Variants in LHFPL6 observed in about 807,000 individuals in gnomAD.
LHFPL6 encodes LHFPL tetraspan subfamily member 6.
LHFPL6 carries 9 observed loss-of-function variants against 20.6 expected under a neutral mutation model. The ratio of observed to expected loss-of-function variants is 0.44; its 90% confidence interval spans 0.26 to 0.76. The LOEUF (loss-of-function observed/expected upper bound fraction) is 0.76, where lower values mean the gene tolerates loss of function less well. Ranked by LOEUF, LHFPL6 falls within the 30% of genes least tolerant of loss-of-function variation. LHFPL6 has a pLI of 0.20. For missense variants in LHFPL6, 218 were observed against 253.5 expected (o/e 0.86, Z 0.95); for synonymous variants, 105 against 98.7 (o/e 1.06, Z -0.38).
At chr13:39,580,796 A>G (rs967754174) in intron 2 of LHFPL6, among the ~76,000 whole-genome samples, 3 of 152,236 alleles carry the variant, frequency 2.0e-5, no homozygotes. Flanking sequence ...TCCTGTAAAC[A>G]AAGGACCTGA....
At chr13:39,444,665 T>C (rs1032777297) in intron 2 of LHFPL6, among the ~76,000 whole-genome samples, 1 of 152,184 alleles carries the variant, frequency 6.6e-6, no homozygotes, top group African/African-American at 2.4e-5. Flanking sequence ...GCTATAAATC[T>C]TGATAACATC....
At chr13:39,575,617 A>C (rs1872090101) in intron 2 of LHFPL6, among the ~76,000 whole-genome samples, 1 of 152,190 alleles carries the variant, frequency 6.6e-6, no homozygotes, top group African/African-American at 2.4e-5. Flanking sequence ...AACGCTGTGA[A>C]TCAGGCAGTC....
chr13:39,531,614 C>A (rs1422612252), intron 2 of LHFPL6, among the ~76,000 whole-genome samples: 1 of 152,088 alleles, frequency 6.6e-6, no homozygotes, highest in East Asian at 1.9e-4. Context: ...TGTAAAAGCT[C>A]CTCAGACTTC....
chr13:39,457,816 T>C (rs1872605800), intron 2 of LHFPL6, among the ~76,000 whole-genome samples: 1 of 152,188 alleles, frequency 6.6e-6, no homozygotes. Flanking sequence ...TATACTTTAA[T>C]AATAAATAAA....
intron 2 of LHFPL6, among the ~76,000 whole-genome samples, chr13:39,483,731 G>A (rs1868618579): frequency 6.6e-6 from 1 of 152,136 alleles, no homozygotes. Flanking sequence ...GGCCATGAAT[G>A]TAAATAGCTT....
intron 2 of LHFPL6, among the ~76,000 whole-genome samples, chr13:39,577,520 T>A (rs1299133322): frequency 6.6e-6 from 1 of 152,240 alleles, no homozygotes; most frequent in Non-Finnish European, 1.5e-5. Flanking sequence ...CCCAGTGAGC[T>A]ATTATCCCAT....
At chr13:39,438,191 C>T (rs1262092039) in intron 2 of LHFPL6, among the ~76,000 whole-genome samples, 1 of 152,186 alleles carries the variant, frequency 6.6e-6, no homozygotes, top group African/African-American at 2.4e-5. Flanking sequence ...GTCACTTTTG[C>T]TACGCTTTAG....
chr13:39,345,126 C>T (rs1388318173), intron 3 of LHFPL6, among the ~76,000 whole-genome samples: 1 of 152,192 alleles, frequency 6.6e-6, no homozygotes, highest in Admixed American at 6.5e-5. Context: ...AACCATGTTC[C>T]TCCTTTTGGT....
chr13:39,577,810 T>A (rs1194666654), intron 2 of LHFPL6, among the ~76,000 whole-genome samples: 2 of 137,466 alleles, frequency 1.5e-5, no homozygotes, highest in South Asian at 2.2e-4. Flanking sequence ...ATTTCTGTAC[T>A]TTTTTTTTTT....
chr13:39,404,797 T>A (rs2138381880), intron 2 of LHFPL6, among the ~76,000 whole-genome samples: 1 of 152,310 alleles, frequency 6.6e-6, no homozygotes, highest in Middle Eastern at 3.4e-3. Context: ...GTGTACCCTA[T>A]GAGAGCCAAG....
intron 2 of LHFPL6, among the ~76,000 whole-genome samples, chr13:39,488,282 A>C (rs896596708): frequency 1.3e-5 from 2 of 152,210 alleles, no homozygotes; most frequent in African/African-American, 2.4e-5. Context: ...TGTTGTTTAT[A>C]AGCCACCCAG....
In LHFPL6 at chr13:39,446,461, C is replaced by G. The variant is rs9566437; in HGVS notation, c.386-67935G>C. On this transcript the variant is annotated intron_variant, in intron 2 of 3. Transcript: ENST00000379589. Reference sequence around the variant, plus strand: ...AACTATGGTGGGTGCAGAAGTTAAACAGATACCATCTGCAGAGCACAGAGT... The same window carrying G: ...AACTATGGTGGGTGCAGAAGTTAAAGAGATACCATCTGCAGAGCACAGAGT... Among the ~76,000 whole-genome samples, 2,132 of 152,256 alleles carry G rather than the reference C, an allele frequency of 0.014. 88 individuals are homozygous for G. In the East Asian group the frequency reaches 0.15, roughly 10 times the overall value.
At chr13:39,401,491 C>T (rs533066332) in intron 2 of LHFPL6, among the ~76,000 whole-genome samples, 1 of 152,286 alleles carries the variant, frequency 6.6e-6, no homozygotes, top group Admixed American at 6.5e-5. Flanking sequence ...AGGCATCCTC[C>T]ATTTGTGTCT....
At chr13:39,449,700 T>C (rs1369887977) in intron 2 of LHFPL6, among the ~76,000 whole-genome samples, 2 of 152,166 alleles carry the variant, frequency 1.3e-5, no homozygotes, top group Admixed American at 6.6e-5. Flanking sequence ...GATTTCATTA[T>C]TGTGGATACC....
At chr13:39,559,276 G>T (rs1017543257) in intron 2 of LHFPL6, among the ~76,000 whole-genome samples, 4 of 152,208 alleles carry the variant, frequency 2.6e-5, no homozygotes, top group Middle Eastern at 3.2e-3. Context: ...CATTCTTTAG[G>T]CTGGGATTCA....
chr13:39,384,020 A>C (rs1870503218), intron 2 of LHFPL6, among the ~76,000 whole-genome samples: 1 of 152,130 alleles, frequency 6.6e-6, no homozygotes, highest in African/African-American at 2.4e-5. Context: ...TCTACAAAAA[A>C]CGTTAAATCC....
chr13:39,567,255 A>G (rs1871753447), intron 2 of LHFPL6, among the ~76,000 whole-genome samples: 1 of 152,196 alleles, frequency 6.6e-6, no homozygotes, highest in African/African-American at 2.4e-5. Context: ...AAAATTTCTT[A>G]TAAAATCTCA....
At chr13:39,508,450 C>T (rs572305619) in intron 2 of LHFPL6, among the ~76,000 whole-genome samples, 1 of 152,314 alleles carries the variant, frequency 6.6e-6, no homozygotes, top group African/African-American at 2.4e-5. Flanking sequence ...ATCACATTTC[C>T]TCATACTACT....
intron 2 of LHFPL6, among the ~76,000 whole-genome samples, chr13:39,494,269 T>A (rs557026420): frequency 9.8e-5 from 15 of 152,374 alleles, no homozygotes; most frequent in Middle Eastern, 3.4e-3. Context: ...TCGCAGCTCT[T>A]AGCGCTGCCC....
Sources: allele counts gnomAD v4.1 joint callset (sites outside exome capture counted in the v4.1 genomes callset), GRCh38; gene constraint gnomAD v4.1.1; transcripts MANE v1.5; gene names NCBI Gene and HGNC (gene_info 2026-07-23, HGNC 2026-07-21).